MARCHF3: variants seen among roughly 807,000 people sequenced by gnomAD.
MARCHF3 encodes the protein E3 ubiquitin-protein ligase MARCHF3.
In MARCHF3, 13 loss-of-function variants were observed where a neutral mutation model predicts 24.2. The ratio of observed to expected loss-of-function variants is 0.54; its 90% CI spans 0.35 to 0.85. The LOEUF (loss-of-function observed/expected upper bound fraction) is 0.85. MARCHF3 is among the 40% of genes least tolerant of loss of function. MARCHF3 has a pLI of 0.01. For missense variants in MARCHF3, 276 were observed against 325.0 expected (o/e 0.85, Z 1.16); for synonymous variants, 144 against 137.3 (o/e 1.05, Z -0.34).
intron 1 of MARCHF3, among the ~76,000 whole-genome samples, chr5:126,998,111 G>C (rs765351685): frequency 6.6e-6 from 1 of 152,014 alleles, no homozygotes; most frequent in Non-Finnish European, 1.5e-5. Context: ...CACAACATGG[G>C]AAATCTTGGG....
intron 1 of MARCHF3, among the ~76,000 whole-genome samples, chr5:126,944,590 GTAA>G (rs1306438292): frequency 6.6e-6 from 1 of 152,046 alleles, no homozygotes; most frequent in African/African-American, 2.4e-5. Flanking sequence ...TCAAATAATA[GTAA>G]TAATAATAAT....
chr5:126,871,811 AT>A (rs1193740915), intron 4 of MARCHF3, among the ~76,000 whole-genome samples: 2 of 151,404 alleles, frequency 1.3e-5, no homozygotes, highest in Non-Finnish European at 2.9e-5. Context: ...GGTTCAAGCG[AT>A]TCTTGTGCCT....
intron 1 of MARCHF3, among the ~76,000 whole-genome samples, chr5:126,989,533 C>G (rs2126841949): frequency 1.3e-5 from 2 of 152,098 alleles, no homozygotes; most frequent in Middle Eastern, 3.4e-3. Context: ...TTGTTCGTGT[C>G]TAAGTGCTGG....
chr5:126,886,639 G>A (rs1013943033), intron 3 of MARCHF3, among the ~76,000 whole-genome samples: 1 of 152,100 alleles, frequency 6.6e-6, no homozygotes, highest in Non-Finnish European at 1.5e-5. Context: ...AGGATTTCAG[G>A]ACAACCCTTT....
intron 1 of MARCHF3, among the ~76,000 whole-genome samples, chr5:126,949,715 A>C (rs1750151384): frequency 6.6e-6 from 1 of 152,188 alleles, no homozygotes; most frequent in African/African-American, 2.4e-5. Context: ...ATTCAAAAGC[A>C]GATGTTGCTA....
At chr5:126,941,331 G>A (rs1749819678) in intron 1 of MARCHF3, among the ~76,000 whole-genome samples, 1 of 152,038 alleles carries the variant, frequency 6.6e-6, no homozygotes, top group Non-Finnish European at 1.5e-5. Flanking sequence ...TGCATTTTAG[G>A]GGCTTTCTAA....
chr5:126,901,709 T>G (rs537305085), intron 3 of MARCHF3, among the ~76,000 whole-genome samples: 1 of 152,292 alleles, frequency 6.6e-6, no homozygotes, highest in East Asian at 1.9e-4. Context: ...ATGCATATTC[T>G]ATAACTCTGC....
intron 3 of MARCHF3, among the ~76,000 whole-genome samples, 169 bp from the exon 4 acceptor site, chr5:126,878,563 C>A (rs1454254238): frequency 6.6e-6 from 1 of 152,154 alleles, no homozygotes; most frequent in Non-Finnish European, 1.5e-5. Context: ...CCATGCTCCA[C>A]CCCCTGAATA....
chr5:126,875,716 C>T (rs1753125672), intron 4 of MARCHF3, among the ~76,000 whole-genome samples: 1 of 152,138 alleles, frequency 6.6e-6, no homozygotes, highest in African/African-American at 2.4e-5. Flanking sequence ...TGCTACTTTG[C>T]ATTCTATAAA....
chr5:126,885,562 TA>T (rs891662867), intron 3 of MARCHF3, among the ~76,000 whole-genome samples: 1 of 151,806 alleles, frequency 6.6e-6, no homozygotes, highest in East Asian at 1.9e-4. Context: ...AGTGTTGATT[TA>T]AAAAAAATCT....
At chr5:126,990,425 A>G (rs1362329086) in intron 1 of MARCHF3, among the ~76,000 whole-genome samples, 1 of 152,208 alleles carries the variant, frequency 6.6e-6, no homozygotes. Flanking sequence ...AAAATGTTAG[A>G]CCTAAAACCA....
chr5:126,885,834 TGTTACAA>T (rs942017430), intron 3 of MARCHF3, among the ~76,000 whole-genome samples: 6 of 152,110 alleles, frequency 3.9e-5, no homozygotes, highest in African/African-American at 1.4e-4. Context: ...ATTGTTTTGT[TGTTACAA>T]GATGAAAAAC....
intron 1 of MARCHF3, among the ~76,000 whole-genome samples, chr5:126,998,249 A>G (rs887180520): frequency 3.3e-5 from 5 of 152,238 alleles, no homozygotes; most frequent in African/African-American, 1.2e-4. Context: ...GGTGAGCTGT[A>G]CAACCAGGAA....
At chr5:127,023,455 G>C (rs1338902540) in intron 1 of MARCHF3, among the ~76,000 whole-genome samples, 3 of 152,122 alleles carry the variant, frequency 2.0e-5, no homozygotes, top group Non-Finnish European at 4.4e-5. Flanking sequence ...CTCAGGCTGG[G>C]CATGGTGGCT....
intron 1 of MARCHF3, among the ~76,000 whole-genome samples, chr5:126,926,642 G>A (rs1749305994): frequency 6.6e-6 from 1 of 152,056 alleles, no homozygotes; most frequent in Admixed American, 6.5e-5. Context: ...TAGCTTTTGA[G>A]TAAGGAGCTG....
chr5:127,029,919 C>T (rs572081302), intron 1 of MARCHF3: 1 of 152,436 alleles, frequency 6.6e-6, no homozygotes, highest in East Asian at 1.9e-4. Context: ...GGCGCTGAGA[C>T]CCACCTTGAG....
chr5:126,985,853 G>C (rs368024346), intron 1 of MARCHF3, among the ~76,000 whole-genome samples: 5 of 152,134 alleles, frequency 3.3e-5, no homozygotes, highest in African/African-American at 1.2e-4. Context: ...TTAAATACAC[G>C]TTTGCAGGGA....
At chr5:127,021,191 A>T (rs954043809) in intron 1 of MARCHF3, among the ~76,000 whole-genome samples, 3 of 152,122 alleles carry the variant, frequency 2.0e-5, no homozygotes, top group African/African-American at 7.2e-5. Flanking sequence ...ATATCCATTT[A>T]ATACCCACCC....
intron 3 of MARCHF3, among the ~76,000 whole-genome samples, chr5:126,906,143 G>C (rs1754285244): frequency 6.6e-6 from 1 of 150,810 alleles, no homozygotes; most frequent in African/African-American, 2.4e-5. Context: ...TATTGAACCA[G>C]CCTTGCATCC....
Sources: gnomAD v4.1 joint callset for allele counts (sites outside exome capture counted in the v4.1 genomes callset) on GRCh38, gnomAD v4.1.1 for gene constraint, MANE v1.5 for transcripts, NCBI Gene and HGNC (gene_info 2026-07-23, HGNC 2026-07-21) for gene names.